The following CDH13 variants were observed in gnomAD, a reference collection of about 807,000 sequenced individuals.
CDH13 encodes cadherin 13.
In CDH13, 24 loss-of-function variants were observed where a neutral mutation model predicts 63.8. The ratio of observed to expected loss-of-function variants is 0.38; its 90% CI spans 0.27 to 0.53. The LOEUF (loss-of-function observed/expected upper bound fraction) is 0.53, where lower values mean the gene tolerates loss of function less well. CDH13 is among the 20% of genes least tolerant of loss of function. The pLI is 0.85. For synonymous variants in CDH13, 503 were observed against 355.3 expected, an observed-to-expected ratio of 1.42 and a Z score of -4.67; for missense variants, 1,049 against 903.1, an observed-to-expected ratio of 1.16 and a Z score of -2.07.
rs565720134 is a variant in CDH13, at chr16:83,767,986, AAAAGT to A, written c.1682-11975_1682-11971del. ...TAGTCGCAAAAATAAAGAGTAAGAAAAAAGTAAAGTAGAATTAGAAAAAAATATTT... is the reference window on the plus strand; with the variant it reads ...TAGTCGCAAAAATAAAGAGTAAGAAAAAAGTAGAATTAGAAAAAAATATTT... On this transcript the variant is annotated intron_variant, in intron 11 of 13. Coordinates refer to ENST00000567109, the MANE Select transcript of CDH13 (RefSeq NM_001257.5). 1.2e-3 allele frequency among the ~76,000 whole-genome samples: 190 copies of A among 152,350 alleles called. 1 individual carries two copies. Among genetic ancestry groups the A allele is most frequent in the Non-Finnish European group, 2.2e-3 (150 of 68,040 alleles).
At chr16:82,686,444 A>G (rs774754441) in intron 1 of CDH13, among the ~76,000 whole-genome samples, 1 of 152,144 alleles carries the variant, frequency 6.6e-6, no homozygotes, top group Non-Finnish European at 1.5e-5. Context: ...ACTGGTGTCA[A>G]CGGAGATTGT....
At chr16:82,764,698 G>A (rs1188454462) in intron 1 of CDH13, among the ~76,000 whole-genome samples, 1 of 152,150 alleles carries the variant, frequency 6.6e-6, no homozygotes, top group African/African-American at 2.4e-5. Flanking sequence ...AATAATGAAT[G>A]AAAGACACAA....
At chr16:83,022,181 T>C (rs1915404811) in intron 2 of CDH13, among the ~76,000 whole-genome samples, 1 of 152,242 alleles carries the variant, frequency 6.6e-6, no homozygotes. Flanking sequence ...GTCTGTCTGA[T>C]ATTTCTGAAT....
At chr16:83,561,216 G>T (rs927555689) in intron 7 of CDH13, among the ~76,000 whole-genome samples, 1 of 151,982 alleles carries the variant, frequency 6.6e-6, no homozygotes, top group Non-Finnish European at 1.5e-5. Flanking sequence ...GGAGGCTGAG[G>T]TGGGCAGTTC....
In CDH13 at chr16:82,674,245, A is replaced by T. The variant is rs556342657; in HGVS notation, c.45+47108A>T. 2.0e-5 allele frequency among the ~76,000 whole-genome samples: 3 copies of T among 152,288 alleles called. No homozygotes were observed. In the East Asian group the frequency reaches 5.8e-4, roughly 29 times the overall value. On this transcript the variant is annotated intron_variant, in intron 1 of 13. Transcript: ENST00000567109. ...TTGGCCTATGGAAGTCACCATCTGG[A>T]CTGGGAGGATTGATGACTTCAGTTT...
intron 7 of CDH13, among the ~76,000 whole-genome samples, chr16:83,600,905 A>T (rs1407613679): frequency 6.6e-6 from 1 of 151,968 alleles, no homozygotes; most frequent in Non-Finnish European, 1.5e-5. Flanking sequence ...TTCTCTTAGG[A>T]TATTGCCTTT....
chr16:83,004,867 G>T (rs764747519), intron 2 of CDH13, among the ~76,000 whole-genome samples: 4 of 152,190 alleles, frequency 2.6e-5, no homozygotes, highest in Non-Finnish European at 5.9e-5. Context: ...CAGCAGCTTT[G>T]TGATTCCAAG....
intron 1 of CDH13, among the ~76,000 whole-genome samples, chr16:82,726,997 T>C (rs549813890): frequency 1.0e-3 from 158 of 152,242 alleles, no homozygotes; most frequent in Non-Finnish European, 1.6e-3. Context: ...ACAAAACTGC[T>C]TTTGTTCTTC....
chr16:83,776,039 G>C (rs1057128687), intron 11 of CDH13, among the ~76,000 whole-genome samples: 2 of 152,050 alleles, frequency 1.3e-5, no homozygotes, highest in Non-Finnish European at 2.9e-5. Flanking sequence ...ACTGAGAGAG[G>C]CTCTTTCCCT....
intron 4 of CDH13, among the ~76,000 whole-genome samples, chr16:83,175,177 T>G (rs1331092459): frequency 6.6e-6 from 1 of 152,248 alleles, no homozygotes; most frequent in Non-Finnish European, 1.5e-5. Flanking sequence ...CTATTCTAGA[T>G]GCTTTATTCT....
At chr16:83,351,306 G>GAT (rs1209998411) in intron 6 of CDH13, among the ~76,000 whole-genome samples, 1 of 138,148 alleles carries the variant, frequency 7.2e-6, no homozygotes, top group African/African-American at 2.8e-5. Context: ...TCCTTAGGTA[G>GAT]ATATATTTTT....
chr16:83,368,642 C>T (rs1040118124), intron 6 of CDH13, among the ~76,000 whole-genome samples: 1 of 151,690 alleles, frequency 6.6e-6, no homozygotes, highest in African/African-American at 2.4e-5. Context: ...CCACTGTACC[C>T]AATGTGTAGT....
intron 1 of CDH13, among the ~76,000 whole-genome samples, chr16:82,634,244 A>G (rs1597172143): frequency 6.6e-6 from 1 of 152,210 alleles, no homozygotes; most frequent in Non-Finnish European, 1.5e-5. Context: ...GGCAGCTTCC[A>G]TCCTTGCCTT....
At chr16:83,632,587 C>T (rs1910883796) in intron 8 of CDH13, among the ~76,000 whole-genome samples, 1 of 151,024 alleles carries the variant, frequency 6.6e-6, no homozygotes, top group South Asian at 2.1e-4. Flanking sequence ...CCTCAAGTGC[C>T]CCACGGAGTA....
intron 1 of CDH13, chr16:82,829,398 C>G (rs1026384180): frequency 6.6e-6 from 1 of 152,084 alleles, no homozygotes; most frequent in African/African-American, 2.4e-5. Flanking sequence ...GTTATATACT[C>G]TTGGGCTTGA....
chr16:83,681,542 C>T (rs1915403681), intron 10 of CDH13, among the ~76,000 whole-genome samples: 1 of 152,136 alleles, frequency 6.6e-6, no homozygotes, highest in South Asian at 2.1e-4. Flanking sequence ...CTGGACACCC[C>T]CTTTCCCCTC....
intron 5 of CDH13, among the ~76,000 whole-genome samples, chr16:83,257,667 A>G (rs181445348): frequency 3.0e-4 from 45 of 152,340 alleles, no homozygotes; most frequent in Non-Finnish European, 5.3e-4. Context: ...CGTGTCTACC[A>G]TTGATGGGCA....
chr16:83,373,742 G>A (rs2091413750), intron 6 of CDH13, among the ~76,000 whole-genome samples: 1 of 152,194 alleles, frequency 6.6e-6, no homozygotes, highest in African/African-American at 2.4e-5. Context: ...CCTTTCACTA[G>A]TTGAGGGATC....
chr16:83,071,269 T>C (rs1274302605), intron 3 of CDH13, among the ~76,000 whole-genome samples: 2 of 152,156 alleles, frequency 1.3e-5, no homozygotes, highest in African/African-American at 4.8e-5. Flanking sequence ...AAAGCCTCCT[T>C]CAGCAGCGTA....
Sources: allele counts gnomAD v4.1 joint callset (sites outside exome capture counted in the v4.1 genomes callset), GRCh38; gene constraint gnomAD v4.1.1; transcripts MANE v1.5; gene names NCBI Gene and HGNC (gene_info 2026-07-23, HGNC 2026-07-21).